CNKSR2: variants seen among roughly 807,000 people sequenced by gnomAD.
CNKSR2 encodes CNK homolog protein 2.
CNKSR2 carries 14 observed loss-of-function variants against 84.4 expected under a neutral mutation model. The observed-to-expected ratio is 0.17, with a 90% CI of 0.11 to 0.26. The LOEUF (loss-of-function observed/expected upper bound fraction) is 0.26. CNKSR2 is among the 10% of genes least tolerant of loss of function. The pLI is 1.00. For missense variants in CNKSR2, 485 were observed against 771.2 expected, an observed-to-expected ratio of 0.63 and a Z score of 4.40; for synonymous variants, 275 against 277.9, an observed-to-expected ratio of 0.99 and a Z score of 0.10.
In CNKSR2 at chrX:21,483,779, A is replaced by G. The variant is rs772239001; in HGVS notation, c.562-6680A>G. Among the ~76,000 whole-genome samples the G allele has an allele frequency of 3.7e-4, 41 of 109,672 alleles. 1 individual carries two copies. The highest frequency in any genetic ancestry group is 9.5e-3 in the Middle Eastern group (2 of 210). On this transcript the variant is annotated intron_variant, in intron 5 of 21. Coordinates refer to ENST00000379510, the MANE Select transcript of CNKSR2 (RefSeq NM_014927.5). ...ATAAGAGTGCAAAATTTCTAGCTCA[A>G]CAGAAATCTGTCAAGTACTAAGATA...
At chrX:21,425,743 A>C (rs2090557188) in intron 1 of CNKSR2, 1 of 111,671 alleles carries the variant, frequency 9.0e-6, no homozygotes, top group African/African-American at 3.3e-5. Context: ...TTCACAGGTG[A>C]TTGAAACCGC....
chrX:21,467,359 A>C (rs2091141560), intron 4 of CNKSR2, among the ~76,000 whole-genome samples: 1 of 111,389 alleles, frequency 9.0e-6, no homozygotes, highest in Admixed American at 9.6e-5. Context: ...GAAAATTACT[A>C]TAGTAGCTTA....
At chrX:21,567,029 A>G (rs760572292) in intron 13 of CNKSR2, among the ~76,000 whole-genome samples, 1 of 111,670 alleles carries the variant, frequency 9.0e-6, no homozygotes, top group East Asian at 2.8e-4. Flanking sequence ...CTTTGCCACC[A>G]CTTTCCTTTT....
intron 8 of CNKSR2, chrX:21,504,201 G>A (rs192734282): frequency 9.0e-6 from 1 of 110,922 alleles, no homozygotes; most frequent in East Asian, 2.8e-4. Flanking sequence ...TACAGAGGTG[G>A]TGAAATGGAA....
At chrX:21,504,332 A>C (rs1427070185) in intron 8 of CNKSR2, 1 of 111,558 alleles carries the variant, frequency 9.0e-6, no homozygotes, top group Admixed American at 9.5e-5. Flanking sequence ...TGGCCTAATA[A>C]ATTTGAAATA....
intron 5 of CNKSR2, among the ~76,000 whole-genome samples, chrX:21,480,911 A>G (rs1475624693): frequency 2.7e-5 from 3 of 112,125 alleles, no homozygotes; most frequent in Admixed American, 1.9e-4. Context: ...TACTTGCCAA[A>G]CAATGTTCAA....
At chrX:21,640,351 T>G (rs2092687646) in intron 20 of CNKSR2, among the ~76,000 whole-genome samples, 1 of 111,789 alleles carries the variant, frequency 8.9e-6, no homozygotes, top group Admixed American at 9.5e-5. Context: ...TTCCATGACC[T>G]TGTGAAACAA....
In CNKSR2 at chrX:21,456,687, C is replaced by T. The variant is rs372262738; in HGVS notation, c.520-14079C>T. ...AGTAATGCTGCAATGGGAAACCAGA[C>T]ATCTTTTCAATATAGTGATTTTATT... On this transcript the variant is annotated intron_variant, in intron 4 of 21. Coordinates refer to ENST00000379510, the MANE Select transcript of CNKSR2 (RefSeq NM_014927.5). 6.3e-5 allele frequency among the ~76,000 whole-genome samples: 7 copies of T among 111,696 alleles called. No individual in the cohort carries two copies. The East Asian group carries it at 1.1e-3, about 18-fold the overall frequency.
intron 2 of CNKSR2, chrX:21,427,365 G>C (rs1447344367): frequency 8.9e-6 from 1 of 111,875 alleles, no homozygotes; most frequent in Non-Finnish European, 1.9e-5. Context: ...TAATGTAGTG[G>C]ATATACATCA....
intron 9 of CNKSR2, among the ~76,000 whole-genome samples, chrX:21,525,718 A>G (rs1330765808): frequency 1.8e-5 from 2 of 111,239 alleles, no homozygotes; most frequent in Admixed American, 9.6e-5. Context: ...ACAATACAAA[A>G]TAGTTGTAAT....
intron 11 of CNKSR2, chrX:21,538,442 G>A (rs1278525971): frequency 1.8e-5 from 2 of 111,683 alleles, no homozygotes; most frequent in Admixed American, 9.5e-5. Context: ...ATCTGTTTGC[G>A]GTTCTTTGAG....
intron 1 of CNKSR2, among the ~76,000 whole-genome samples, chrX:21,387,136 C>T (rs1213153041): frequency 2.7e-5 from 3 of 112,006 alleles, no homozygotes; most frequent in Non-Finnish European, 5.6e-5. Flanking sequence ...AATGAAGCTG[C>T]TTATTCTTAA....
intron 8 of CNKSR2, among the ~76,000 whole-genome samples, chrX:21,511,877 C>T (rs2091675345): frequency 9.0e-6 from 1 of 111,026 alleles, no homozygotes; most frequent in African/African-American, 3.3e-5. Flanking sequence ...CCTCAACCTC[C>T]ACATCTTCTT....
At chrX:21,415,225 T>C (rs1297046520) in intron 1 of CNKSR2, among the ~76,000 whole-genome samples, 1 of 111,758 alleles carries the variant, frequency 8.9e-6, no homozygotes, top group Admixed American at 9.5e-5. Flanking sequence ...TTCTTCCATT[T>C]CTTGCATCAG....
intron 1 of CNKSR2, among the ~76,000 whole-genome samples, chrX:21,408,615 C>A (rs2090296869): frequency 9.0e-6 from 1 of 111,486 alleles, no homozygotes; most frequent in African/African-American, 3.3e-5. Flanking sequence ...CACTCCACTC[C>A]ACGTTCTTTT....
intron 20 of CNKSR2, chrX:21,642,484 C>T: frequency 5.3e-6 from 4 of 752,388 alleles, no homozygotes; most frequent in Non-Finnish European, 6.3e-6. Flanking sequence ...ACTGGGTCCC[C>T]TATGGCTCAA....
chrX:21,405,066 T>G (rs938137970), intron 1 of CNKSR2, among the ~76,000 whole-genome samples: 1 of 111,486 alleles, frequency 9.0e-6, no homozygotes, highest in Non-Finnish European at 1.9e-5. Context: ...TTATAGAATG[T>G]TTGCTATCTG....
chrX:21,584,890 T>C (rs1013623078), intron 13 of CNKSR2, among the ~76,000 whole-genome samples: 5 of 110,946 alleles, frequency 4.5e-5, no homozygotes, highest in Admixed American at 9.6e-5. Context: ...GAGTTTTGCA[T>C]ATAGGAATGG....
At chrX:21,564,530 C>T (rs1206554739) in intron 13 of CNKSR2, among the ~76,000 whole-genome samples, 1 of 111,486 alleles carries the variant, frequency 9.0e-6, no homozygotes, top group Non-Finnish European at 1.9e-5. Context: ...ATTAGGAGCC[C>T]TTGAAAAACA....
Sources: allele counts gnomAD v4.1 joint callset (sites outside exome capture counted in the v4.1 genomes callset), GRCh38; gene constraint gnomAD v4.1.1; transcripts MANE v1.5; gene names NCBI Gene and HGNC (gene_info 2026-07-23, HGNC 2026-07-21).